Variants in LCLAT1 observed in about 807,000 individuals in gnomAD.
LCLAT1 encodes lysocardiolipin acyltransferase 1.
In LCLAT1, 11 loss-of-function variants were observed where a neutral mutation model predicts 30.7. The ratio of observed to expected loss-of-function variants is 0.36; its 90% CI spans 0.23 to 0.59. The LOEUF is 0.59. Among genes scored for constraint, LCLAT1 ranks in the 20% least tolerant of loss-of-function variants. The probability of loss-of-function intolerance (pLI) is 0.77; values close to 1 mark genes in which losing one functional copy is unlikely to be tolerated. For missense variants in LCLAT1, 402 were observed against 458.6 expected, an observed-to-expected ratio of 0.88 and a Z score of 1.13; for synonymous variants, 155 against 151.3, an observed-to-expected ratio of 1.02 and a Z score of -0.18.
chr2:30,570,232 AGCTG>A (rs1399964665), intron 5 of LCLAT1, among the ~76,000 whole-genome samples: 1 of 152,230 alleles, frequency 6.6e-6, no homozygotes, highest in East Asian at 1.9e-4. Context: ...CAGTTGTGAC[AGCTG>A]GTCTCCCCAA....
At chr2:30,488,400 A>G (rs946284427) in intron 1 of LCLAT1, among the ~76,000 whole-genome samples, 2 of 152,252 alleles carry the variant, frequency 1.3e-5, no homozygotes, top group Non-Finnish European at 2.9e-5. Flanking sequence ...TGTTGGCTTC[A>G]TGCTCAGTAA....
At chr2:30,638,550 AC>A (rs1460503015) in intron 5 of LCLAT1, among the ~76,000 whole-genome samples, 4 of 152,260 alleles carry the variant, frequency 2.6e-5, no homozygotes, top group Non-Finnish European at 4.4e-5. Flanking sequence ...ACTGAAGGTA[AC>A]ATGGTTCAGG....
rs144671570 is a variant in LCLAT1 at position 30,640,368 on chromosome 2, G to A, written c.880G>A (p.Val294Ile). The change falls in exon 6 of 6, where the codon GTC becomes ATC. Residue 294 changes from valine (V) to isoleucine (I), a missense_variant. Physicochemically the swap from Val to Ile is conservative, Grantham distance 29 (BLOSUM62 3). Coordinates refer to ENST00000379509, the MANE Select transcript of LCLAT1 (RefSeq NM_001002257.3). ...GAATTTTTATTTTACCGGACAGAGTGTCATTCCACCTTGCAAGTCTGAACT... is the reference window on the plus strand; with the variant it reads ...GAATTTTTATTTTACCGGACAGAGTATCATTCCACCTTGCAAGTCTGAACT... ...EKNFYFTGQS[V>I]IPPCKSELRV... The A allele has an allele frequency of 6.2e-7, 1 of 1,614,218 alleles. No homozygotes were observed. The highest frequency in any genetic ancestry group is 8.5e-7 in the Non-Finnish European group (1 of 1,180,042).
intron 3 of LCLAT1, among the ~76,000 whole-genome samples, chr2:30,557,478 A>T (rs11883546): frequency 6.6e-6 from 1 of 151,812 alleles, no homozygotes; most frequent in Non-Finnish European, 1.5e-5. Context: ...GCAATGGCAC[A>T]ATCTTGGCTC....
intron 5 of LCLAT1, among the ~76,000 whole-genome samples, chr2:30,617,556 G>A (rs1668052477): frequency 6.6e-6 from 1 of 152,126 alleles, no homozygotes; most frequent in South Asian, 2.1e-4. Context: ...TACCTATGCT[G>A]TCATTCTCTG....
intron 5 of LCLAT1, among the ~76,000 whole-genome samples, chr2:30,597,250 C>T (rs1356591124): frequency 6.6e-6 from 1 of 151,672 alleles, no homozygotes; most frequent in East Asian, 1.9e-4. Context: ...GCCAATTTCA[C>T]GATATTGATT....
intron 3 of LCLAT1, among the ~76,000 whole-genome samples, chr2:30,540,119 G>A (rs1386295543): frequency 6.6e-6 from 1 of 152,162 alleles, no homozygotes; most frequent in Non-Finnish European, 1.5e-5. Flanking sequence ...TTGTCACTCG[G>A]TTTCCCCAAA....
chr2:30,451,382 C>CA (rs1413339177), intron 1 of LCLAT1, among the ~76,000 whole-genome samples: 2 of 152,196 alleles, frequency 1.3e-5, no homozygotes, highest in Non-Finnish European at 2.9e-5. Context: ...TACCCGTGAT[C>CA]AAATGCTTGC....
intron 1 of LCLAT1, among the ~76,000 whole-genome samples, chr2:30,477,487 A>G (rs1240573201): frequency 6.6e-6 from 1 of 152,184 alleles, no homozygotes; most frequent in Non-Finnish European, 1.5e-5. Context: ...TTTGGTGTCC[A>G]TTTATGAAAT....
intron 3 of LCLAT1, among the ~76,000 whole-genome samples, chr2:30,557,375 AT>A (rs1440987645): frequency 6.6e-6 from 1 of 150,932 alleles, no homozygotes; most frequent in Non-Finnish European, 1.5e-5. Flanking sequence ...AGCACCAATC[AT>A]GTATGTAACA....
intron 4 of LCLAT1, among the ~76,000 whole-genome samples, chr2:30,562,603 A>G (rs948174923): frequency 1.3e-5 from 2 of 152,216 alleles, no homozygotes; most frequent in African/African-American, 4.8e-5. Context: ...CTTGGTTTCT[A>G]GCCCATTGAA....
intron 1 of LCLAT1, among the ~76,000 whole-genome samples, chr2:30,501,124 T>C (rs900919827): frequency 2.9e-5 from 4 of 136,840 alleles, no homozygotes; most frequent in African/African-American, 1.1e-4. Context: ...GTGTGTGTAG[T>C]TACATTTCTT....
chr2:30,637,727 G>A lies in LCLAT1; in HGVS notation c.629-2390G>A, dbSNP rs141890150. On this transcript the variant is annotated intron_variant, in intron 5 of 5. Transcript: ENST00000379509. Reference sequence around the variant, plus strand: ...CAAGTAGCTGAGATTACAAGCGTGCGCCACCACGCCCAGCTAATTTTTGTA... The same window carrying A: ...CAAGTAGCTGAGATTACAAGCGTGCACCACCACGCCCAGCTAATTTTTGTA... 5.3e-3 allele frequency among the ~76,000 whole-genome samples: 813 copies of A among 152,202 alleles called. 6 individuals carry two copies. The highest frequency in any genetic ancestry group is 8.8e-3 in the Admixed American group (135 of 15,298).
intron 5 of LCLAT1, chr2:30,606,873 A>G (rs1428019324): frequency 1.3e-5 from 2 of 152,184 alleles, no homozygotes; most frequent in African/African-American, 4.8e-5. Flanking sequence ...GTCAACAAGA[A>G]ACTAAAACAA....
intron 5 of LCLAT1, among the ~76,000 whole-genome samples, chr2:30,633,035 T>A (rs1282001766): frequency 6.6e-6 from 1 of 152,214 alleles, no homozygotes; most frequent in Non-Finnish European, 1.5e-5. Context: ...AGTCTAAATA[T>A]ATCTGAATCA....
intron 1 of LCLAT1, among the ~76,000 whole-genome samples, chr2:30,499,335 C>T (rs1409033441): frequency 6.6e-6 from 1 of 152,190 alleles, no homozygotes; most frequent in East Asian, 1.9e-4. Context: ...TGCCCGCCAT[C>T]ACGCCCAGCT....
intron 1 of LCLAT1, among the ~76,000 whole-genome samples, chr2:30,464,825 G>A (rs1180353282): frequency 6.6e-6 from 1 of 152,126 alleles, no homozygotes; most frequent in Non-Finnish European, 1.5e-5. Flanking sequence ...AATTCCTGAC[G>A]AAAAGGCTTG....
At chr2:30,511,583 A>G (rs1156907634) in intron 1 of LCLAT1, among the ~76,000 whole-genome samples, 4 of 152,216 alleles carry the variant, frequency 2.6e-5, no homozygotes, top group Admixed American at 6.5e-5. Flanking sequence ...CTATAGGACA[A>G]CTGGCATAGG....
At chr2:30,614,620 C>T (rs572842743) in intron 5 of LCLAT1, among the ~76,000 whole-genome samples, 2 of 152,032 alleles carry the variant, frequency 1.3e-5, no homozygotes, top group Non-Finnish European at 2.9e-5. Context: ...TCCATTTAAG[C>T]CATGTTAAGT....
Sources: allele counts gnomAD v4.1 joint callset (sites outside exome capture counted in the v4.1 genomes callset), GRCh38; gene constraint gnomAD v4.1.1; transcripts MANE v1.5; gene names NCBI Gene and HGNC (gene_info 2026-07-23, HGNC 2026-07-21).